Variants in MAX observed in about 807,000 individuals in gnomAD.
The protein encoded by MAX is MYC associated transcriptional regulator X.
In MAX, 3 loss-of-function variants were observed where a neutral mutation model predicts 22.3. The observed-to-expected ratio is 0.13, with a 90% CI of 0.06 to 0.35. MAX has a LOEUF of 0.35. Ranked by LOEUF, MAX falls within the 10% of genes least tolerant of loss-of-function variation. The probability of loss-of-function intolerance (pLI) is 1.00; values close to 1 mark genes in which losing one functional copy is unlikely to be tolerated. For synonymous variants in MAX, 72 were observed against 77.7 expected (o/e 0.93, Z 0.39); for missense variants, 119 against 209.4 (o/e 0.57, Z 2.66).
rs1595166865 is a variant in MAX, at chr14:65,093,741, C to T, written c.138G>A (p.Leu46=). The part of the protein sequence containing the change: ...RDHIKDSFHS[L]RDSVPSLQGE... ...CTTGGAGTGATGGGACTGAGTCCCGCAAACTGTGAAAGCTGTCTTTGATGT... is the reference window on the plus strand; with the variant it reads ...CTTGGAGTGATGGGACTGAGTCCCGTAAACTGTGAAAGCTGTCTTTGATGT... The change falls in exon 3 of 5, where the codon TTG becomes TTA. Residue 46 remains leucine (L), a synonymous_variant. Transcript: ENST00000358664. This position sits in a 1 kb window ranked among gnomAD's most constrained non-coding sequence, Gnocchi z 4.4. The T allele has an allele frequency of 6.2e-7, 1 of 1,611,958 alleles. No individual in the cohort carries two copies. Among genetic ancestry groups the T allele is most frequent in the South Asian group, 1.1e-5 (1 of 91,050 alleles).
intron 3 of MAX, among the ~76,000 whole-genome samples, chr14:65,010,256 C>G (rs1019890093): frequency 6.6e-6 from 1 of 152,218 alleles, no homozygotes; most frequent in Non-Finnish European, 1.5e-5. Context: ...TCCTCCAAAC[C>G]CTTAGAGATG....
At chr14:65,045,123 A>C (rs753836549) in intron 3 of MAX, among the ~76,000 whole-genome samples, 1 of 152,062 alleles carries the variant, frequency 6.6e-6, no homozygotes, top group Non-Finnish European at 1.5e-5. Context: ...AAGTCTGGGA[A>C]CATTCTCTCT....
chr14:65,095,124 G>T (rs1238535649), intron 2 of MAX, among the ~76,000 whole-genome samples: 5 of 152,208 alleles, frequency 3.3e-5, no homozygotes, highest in African/African-American at 1.2e-4. Context: ...AATCCTAAAA[G>T]TCCCAGTCAT....
chr14:65,069,099 CT>C lies in MAX; in HGVS notation c.171+24608del, dbSNP rs2062960547. On this transcript the variant is annotated intron_variant, in intron 3 of 3. Coordinates refer to the MAX transcript ENST00000341653. The surrounding 1 kb of genome is among the most constrained non-coding windows in gnomAD (Gnocchi z 4.6). ...CTAGGTGTCCATGCTCCTTGCGAGG[CT>C]CCATCCCCCCAGCCCCTCTCCTCAC... Among the ~76,000 whole-genome samples, 1 of 152,232 alleles carries C rather than the reference CT, an allele frequency of 6.6e-6. No individual in the cohort carries two copies. The highest frequency in any genetic ancestry group is 2.1e-4 in the South Asian group (1 of 4,828).
intron 3 of MAX, chr14:65,022,210 C>T: frequency 2.6e-6 from 1 of 383,156 alleles, no homozygotes; most frequent in South Asian, 1.9e-5. Context: ...ATGCATCTTG[C>T]ATTTACATCC....
chr14:65,032,599 T>G lies in MAX; in HGVS notation c.172-26315A>C. 1 of 1,613,006 alleles carries G rather than the reference T, an allele frequency of 6.2e-7. No homozygotes were observed. The highest frequency in any genetic ancestry group is 8.5e-7 in the Non-Finnish European group (1 of 1,179,818). On this transcript the variant is annotated intron_variant, in intron 3 of 3. Coordinates refer to the MAX transcript ENST00000341653. This position sits in a 1 kb window ranked among gnomAD's most constrained non-coding sequence, Gnocchi z 5.0. ...TAGAGCTTAATGTGTTTCCCGTTTC[T>G]GTCTTTCCAGAAGCGCATACTGTGC... is the stretch of plus-strand genomic sequence containing the variant.
chr14:65,060,613 G>A (rs1399511635), intron 3 of MAX, among the ~76,000 whole-genome samples: 8 of 104,332 alleles, frequency 7.7e-5, no homozygotes, highest in Admixed American at 4.1e-4. Context: ...GGAGAATGGC[G>A]TGAACCCGGG....
rs79411668 is a variant in MAX, at chr14:65,088,732, G to A, written c.171+4976C>T. Among the ~76,000 whole-genome samples, 409 of 152,264 alleles carry A rather than the reference G, an allele frequency of 2.7e-3. 3 individuals are homozygous for A. The highest frequency in any genetic ancestry group is 0.019 in the East Asian group (98 of 5,194). Reference sequence around the variant, plus strand: ...CTGAGGGAAGAAATATAACCAAAAGGAGACATTCTCCCTGCCTTCACGGTA... The same window carrying A: ...CTGAGGGAAGAAATATAACCAAAAGAAGACATTCTCCCTGCCTTCACGGTA... On this transcript the variant is annotated intron_variant, in intron 3 of 4. Transcript: ENST00000358664. This position sits in a 1 kb window ranked among gnomAD's most constrained non-coding sequence, Gnocchi z 5.2.
chr14:65,086,569 G>A (rs73270897), intron 3 of MAX, among the ~76,000 whole-genome samples: 2,000 of 152,260 alleles, frequency 0.013, 48 homozygotes, highest in African/African-American at 0.045. Flanking sequence ...TTGCCCCTAC[G>A]CTAGAGATAA....
Position 65,076,207 on chromosome 14 carries a change from C to T in MAX, c.*269G>A. 7.1e-7 allele frequency: 1 copy of T among 1,416,104 alleles called. No homozygotes were observed. 87.7% of individuals were successfully genotyped at this position (1,416,104 alleles called of 1,614,324 possible). A position where few individuals can be genotyped will look rare whatever the true frequency, so the allele number is the denominator to read the frequency against. On this transcript the variant is annotated 3_prime_UTR_variant, in exon 5 of 5. Coordinates refer to ENST00000358664, the MANE Select transcript of MAX (RefSeq NM_002382.5). This position sits in a 1 kb window ranked among gnomAD's most constrained non-coding sequence, Gnocchi z 6.6. ...CGTCTGTCCTCCACAGAAAAAGCTG[C>T]CAAGTTGGGGTGTTTTGGTTTAAAA... is the stretch of plus-strand genomic sequence containing the variant.
chr14:65,051,769 A>G (rs1218714952), intron 3 of MAX, among the ~76,000 whole-genome samples: 2 of 151,626 alleles, frequency 1.3e-5, no homozygotes, highest in Admixed American at 1.3e-4. Flanking sequence ...TATTGATACC[A>G]TAAACTTTTA....
intron 3 of MAX, among the ~76,000 whole-genome samples, chr14:65,048,719 G>A (rs965444544): frequency 2.0e-5 from 3 of 152,074 alleles, no homozygotes; most frequent in African/African-American, 7.2e-5. Context: ...ACCAGACATG[G>A]TGGCACATGC....
intron 3 of MAX, among the ~76,000 whole-genome samples, chr14:65,049,594 A>G (rs964807359): frequency 1.3e-5 from 2 of 152,208 alleles, no homozygotes; most frequent in Non-Finnish European, 2.9e-5. Context: ...TTAATAATAT[A>G]GGAAGTCACT....
intron 3 of MAX, chr14:65,061,129 G>C: frequency 6.2e-7 from 1 of 1,602,666 alleles, no homozygotes; most frequent in Non-Finnish European, 8.5e-7. Context: ...GATGTGTTAT[G>C]TTTTCAAGGA....
At chr14:65,064,025 A>C (rs2062906047) in intron 3 of MAX, among the ~76,000 whole-genome samples, 1 of 152,170 alleles carries the variant, frequency 6.6e-6, no homozygotes, top group Non-Finnish European at 1.5e-5. Flanking sequence ...AACACCAGAT[A>C]AGTTGGGAAG....
At chr14:65,092,404 A>C (rs182894221) in intron 3 of MAX, among the ~76,000 whole-genome samples, 1 of 152,218 alleles carries the variant, frequency 6.6e-6, no homozygotes, top group Non-Finnish European at 1.5e-5. Context: ...AGGAATAAGC[A>C]CCAACTGTCA....
intron 3 of MAX, among the ~76,000 whole-genome samples, chr14:65,045,415 C>G (rs2062455405): frequency 8.0e-6 from 1 of 125,628 alleles, no homozygotes; most frequent in East Asian, 2.9e-4. Flanking sequence ...CCCCGTCTTC[C>G]CCCCTCCCCG....
intron 3 of MAX, among the ~76,000 whole-genome samples, chr14:65,067,625 G>GTT (rs201195408): frequency 0.011 from 1,611 of 140,660 alleles, 11 homozygotes; most frequent in South Asian, 0.017. Flanking sequence ...ATGGGTTTAT[G>GTT]TTTTTTTTTT....
intron 3 of MAX, among the ~76,000 whole-genome samples, chr14:65,033,942 T>A (rs1046582758): frequency 3.9e-5 from 6 of 152,176 alleles, no homozygotes; most frequent in Non-Finnish European, 7.3e-5. Context: ...GTTAAAAAAA[T>A]TTTATTTTTA....
Sources: gnomAD v4.1 joint callset for allele counts (sites outside exome capture counted in the v4.1 genomes callset) on GRCh38, gnomAD v4.1.1 for gene constraint, Gnocchi (gnomAD v3.1) non-coding constraint, MANE v1.5 for transcripts, NCBI Gene and HGNC (gene_info 2026-07-23, HGNC 2026-07-21) for gene names.